Variants in RNGTT observed in about 807,000 individuals in gnomAD.
RNGTT encodes RNA guanylyltransferase and 5'-phosphatase.
RNGTT carries 33 observed loss-of-function variants against 79.3 expected under a neutral mutation model. That is an observed-to-expected ratio of 0.42 (90% CI 0.32 to 0.56). RNGTT has a LOEUF of 0.56. RNGTT is among the 20% of genes least tolerant of loss of function. The pLI is 0.17. For missense variants in RNGTT, 497 were observed against 739.1 expected, an observed-to-expected ratio of 0.67 and a Z score of 3.80; for synonymous variants, 222 against 235.9, an observed-to-expected ratio of 0.94 and a Z score of 0.54.
At chr6:88,819,108 G>A (rs193029703) in intron 11 of RNGTT, among the ~76,000 whole-genome samples, 20 of 152,146 alleles carry the variant, frequency 1.3e-4, no homozygotes, top group Admixed American at 7.2e-4. Flanking sequence ...TAACATCTAT[G>A]AGACCTAGAA....
intron 14 of RNGTT, among the ~76,000 whole-genome samples, chr6:88,646,535 C>A (rs1357325036): frequency 2.6e-5 from 4 of 152,162 alleles, no homozygotes; most frequent in Non-Finnish European, 5.9e-5. Flanking sequence ...TATAAAGACA[C>A]ATGCACACCT....
At chr6:88,654,089 T>C (rs898246864) in intron 14 of RNGTT, among the ~76,000 whole-genome samples, 3 of 152,340 alleles carry the variant, frequency 2.0e-5, no homozygotes, top group Non-Finnish European at 4.4e-5. Flanking sequence ...TCCAGAAAGT[T>C]ACAGTGTAGG....
chr6:88,715,962 A>G (rs1776495739), intron 13 of RNGTT, among the ~76,000 whole-genome samples: 1 of 152,168 alleles, frequency 6.6e-6, no homozygotes, highest in African/African-American at 2.4e-5. Context: ...CAAAATTGAC[A>G]AATGGGATCT....
At chr6:88,834,416 T>G (rs1780992577) in intron 11 of RNGTT, among the ~76,000 whole-genome samples, 2 of 152,192 alleles carry the variant, frequency 1.3e-5, no homozygotes, top group Non-Finnish European at 2.9e-5. Context: ...AATGACATAT[T>G]AATAGACTAG....
At chr6:88,640,369 C>T (rs909379195) in intron 14 of RNGTT, among the ~76,000 whole-genome samples, 18 of 144,898 alleles carry the variant, frequency 1.2e-4, no homozygotes, top group African/African-American at 4.1e-4. Context: ...AGGCAGCATA[C>T]CGAGACCCTG....
At chr6:88,724,995 G>A (rs1483162870) in intron 13 of RNGTT, among the ~76,000 whole-genome samples, 1 of 152,164 alleles carries the variant, frequency 6.6e-6, no homozygotes, top group Non-Finnish European at 1.5e-5. Context: ...CCAAGTGTGC[G>A]CTCACCATTG....
At chr6:88,645,579 C>T (rs911479443) in intron 14 of RNGTT, among the ~76,000 whole-genome samples, 129 of 152,306 alleles carry the variant, frequency 8.5e-4, no homozygotes, top group African/African-American at 2.9e-3. Context: ...AAGCTGGAGG[C>T]ATCACGCTAC....
intron 4 of RNGTT, among the ~76,000 whole-genome samples, chr6:88,908,766 C>T (rs1011096767): frequency 2.6e-5 from 4 of 152,152 alleles, no homozygotes; most frequent in Admixed American, 6.5e-5. Context: ...ATCTGCAGGG[C>T]GAAGAGAGTA....
Position 88,611,498 on chromosome 6 carries a change from C to T in RNGTT, c.*1221G>A, listed in dbSNP as rs1244965030. 3 of 152,500 alleles carry T rather than the reference C, an allele frequency of 2.0e-5. No individual in the cohort carries two copies. Among genetic ancestry groups the T allele is most frequent in the African/African-American group, 4.8e-5 (2 of 41,444 alleles). 9.4% of individuals were successfully genotyped at this position (152,500 alleles called of 1,614,324 possible). On this transcript the variant is annotated 3_prime_UTR_variant, in exon 16 of 16. Transcript: ENST00000369485. Reference sequence around the variant, plus strand: ...GAGTTCTTTCACAAACCAATTAGAACAGTTTATCAACAATGGCAGACAATC... The same window carrying T: ...GAGTTCTTTCACAAACCAATTAGAATAGTTTATCAACAATGGCAGACAATC...
rs111241500 is a variant in RNGTT, at chr6:88,752,928, C to T, written c.1439+16846G>A. 5.1e-3 allele frequency among the ~76,000 whole-genome samples: 776 copies of T among 152,028 alleles called. 3 individuals are homozygous for T. Among genetic ancestry groups the T allele is most frequent in the African/African-American group, 0.018 (729 of 41,506 alleles). ...ATAAAAAAAGATTTCATAATCTAAA[C>T]GTTTCTGATGATCCTACAGATATTA... On this transcript the variant is annotated intron_variant, in intron 13 of 15. Coordinates refer to ENST00000369485, the MANE Select transcript of RNGTT (RefSeq NM_003800.5).
At chr6:88,614,546 T>A in intron 14 of RNGTT, 151 bp from the exon 15 acceptor site, 1 of 705,046 alleles carries the variant, frequency 1.4e-6, no homozygotes, top group Non-Finnish European at 2.4e-6. Flanking sequence ...TAATCAAGCT[T>A]AAGGTATGGT....
At chr6:88,902,690 C>CTTT (rs71024315) in intron 6 of RNGTT, among the ~76,000 whole-genome samples, 2,063 of 82,648 alleles carry the variant, frequency 0.025, 57 homozygotes, top group African/African-American at 0.037. Context: ...ATAGTGAAAT[C>CTTT]TTTTTTTTTT....
chr6:88,923,621 T>C (rs6903596), intron 4 of RNGTT, among the ~76,000 whole-genome samples: 14,756 of 152,096 alleles, frequency 0.097, 1,647 homozygotes, highest in African/African-American at 0.27. Flanking sequence ...ATTTACCTGA[T>C]GAAGAGAACA....
intron 14 of RNGTT, among the ~76,000 whole-genome samples, chr6:88,670,478 A>G (rs978703301): frequency 6.6e-6 from 1 of 152,160 alleles, no homozygotes; most frequent in African/African-American, 2.4e-5. Flanking sequence ...TCCCACTAAT[A>G]AGTGAGATTC....
chr6:88,707,155 A>C (rs966150012), intron 13 of RNGTT, among the ~76,000 whole-genome samples: 5 of 152,230 alleles, frequency 3.3e-5, no homozygotes, highest in African/African-American at 1.2e-4. Flanking sequence ...AGTCAATAAG[A>C]TGAGTAAATT....
At chr6:88,785,305 T>A (rs373632083) in intron 12 of RNGTT, among the ~76,000 whole-genome samples, 1 of 152,094 alleles carries the variant, frequency 6.6e-6, no homozygotes, top group Admixed American at 6.6e-5. Flanking sequence ...TCCTTTTAGT[T>A]GTACAGATAT....
At chr6:88,812,027 C>T (rs1294026781) in intron 11 of RNGTT, among the ~76,000 whole-genome samples, 5 of 152,134 alleles carry the variant, frequency 3.3e-5, no homozygotes, top group Non-Finnish European at 7.4e-5. Flanking sequence ...TGCTTCTGTA[C>T]TCTGAATGTC....
At chr6:88,838,700 A>T (rs1219919067) in intron 11 of RNGTT, among the ~76,000 whole-genome samples, 1 of 152,182 alleles carries the variant, frequency 6.6e-6, no homozygotes, top group African/African-American at 2.4e-5. Context: ...ATTGACCTAT[A>T]TATTCATTAC....
chr6:88,849,586 T>C (rs1781601100), intron 10 of RNGTT, among the ~76,000 whole-genome samples, 169 bp downstream of exon 10: 1 of 151,656 alleles, frequency 6.6e-6, no homozygotes, highest in African/African-American at 2.4e-5. Context: ...AAATTAACAA[T>C]AAGAGAAAGA....
Sources: allele counts gnomAD v4.1 joint callset (sites outside exome capture counted in the v4.1 genomes callset), GRCh38; gene constraint gnomAD v4.1.1; transcripts MANE v1.5; gene names NCBI Gene and HGNC (gene_info 2026-07-23, HGNC 2026-07-21).